The following ZSCAN5A variants were observed in gnomAD, a reference collection of about 807,000 sequenced individuals.
ZSCAN5A encodes the protein zinc finger and SCAN domain-containing protein 5A.
A neutral mutation model predicts 23.7 loss-of-function variants in ZSCAN5A; 12 were observed. That is an observed-to-expected ratio of 0.51 (90% CI 0.32 to 0.82). ZSCAN5A has a LOEUF of 0.82. Ranked by LOEUF, ZSCAN5A falls within the 40% of genes least tolerant of loss-of-function variation. The pLI, the probability that ZSCAN5A is intolerant of heterozygous loss-of-function variation, is 0.03. For synonymous variants in ZSCAN5A, 257 were observed against 239.9 expected (o/e 1.07, Z -0.66); for missense variants, 597 against 617.9 (o/e 0.97, Z 0.36).
At chr19:56,275,911 G>C (rs1247821591) in intron 2 of ZSCAN5A, among the ~76,000 whole-genome samples, 4 of 152,210 alleles carry the variant, frequency 2.6e-5, no homozygotes, top group African/African-American at 9.7e-5. Flanking sequence ...ATCGATGGAT[G>C]GATGGGCTGA....
chr19:56,310,319 G>C (rs2040957616), intron 2 of ZSCAN5A: 1 of 152,242 alleles, frequency 6.6e-6, no homozygotes, highest in Non-Finnish European at 1.5e-5. Flanking sequence ...GTGTCTGTGG[G>C]GGCCATGCCT....
upstream of ZSCAN5A, chr19:56,317,170 T>C (rs2041326018): frequency 6.6e-6 from 1 of 152,190 alleles, no homozygotes; most frequent in Admixed American, 6.5e-5. Context: ...TGTTCCTTTC[T>C]AGATGAAGGA....
intron 2 of ZSCAN5A, among the ~76,000 whole-genome samples, chr19:56,288,151 G>T (rs1256118564): frequency 6.6e-6 from 1 of 152,136 alleles, no homozygotes; most frequent in African/African-American, 2.4e-5. Context: ...TGAAGGCTGA[G>T]GCCCTTAAGC....
At chr19:56,223,121 G>T (rs564339019) in intron 4 of ZSCAN5A, among the ~76,000 whole-genome samples, 1 of 151,990 alleles carries the variant, frequency 6.6e-6, no homozygotes, top group Non-Finnish European at 1.5e-5. Flanking sequence ...TGGAGGGGGC[G>T]CTCCTGTGCA....
chr19:56,247,018 A>C (rs1414700557), intron 2 of ZSCAN5A: 1 of 1,049,408 alleles, frequency 9.5e-7, no homozygotes, highest in Non-Finnish European at 1.5e-6. Context: ...AGGTGCAGTC[A>C]GTCACCCCAA....
intron 2 of ZSCAN5A, among the ~76,000 whole-genome samples, chr19:56,343,687 C>G (rs1482467060): frequency 6.6e-6 from 1 of 152,238 alleles, no homozygotes; most frequent in Non-Finnish European, 1.5e-5. Context: ...CACTCACTGC[C>G]TGACTTCCAC....
At chr19:56,338,884 G>A (rs190378373) in intron 2 of ZSCAN5A, among the ~76,000 whole-genome samples, 221 of 152,352 alleles carry the variant, frequency 1.5e-3, no homozygotes, top group African/African-American at 5.0e-3. Flanking sequence ...CACAGCCACT[G>A]TGAACTGAAC....
At chr19:56,271,791 C>A (rs2037868832) in intron 2 of ZSCAN5A, among the ~76,000 whole-genome samples, 1 of 152,130 alleles carries the variant, frequency 6.6e-6, no homozygotes, top group Non-Finnish European at 1.5e-5. Context: ...CCATAGAAAC[C>A]TTCAGAGCTT....
intron 2 of ZSCAN5A, among the ~76,000 whole-genome samples, chr19:56,302,600 C>CCCCCCTTCCTT (rs1568726800): frequency 1.4e-5 from 1 of 70,862 alleles, no homozygotes; most frequent in Non-Finnish European, 2.9e-5. Context: ...TCCTCTCCCT[C>CCCCCCTTCCTT]TTCTTCCTCT....
chr19:56,332,791 G>T (rs68183839), intron 2 of ZSCAN5A, among the ~76,000 whole-genome samples: 11,153 of 152,198 alleles, frequency 0.073, 609 homozygotes, highest in African/African-American at 0.15. Context: ...ATGGTAGCAG[G>T]TATTGTTCCT....
At chr19:56,288,928 T>C (rs2039326769) in intron 2 of ZSCAN5A, among the ~76,000 whole-genome samples, 1 of 152,156 alleles carries the variant, frequency 6.6e-6, no homozygotes, top group South Asian at 2.1e-4. Context: ...TGAAATTAGA[T>C]TCTCATAACC....
chr19:56,273,600 C>G (rs1006953554), intron 2 of ZSCAN5A, among the ~76,000 whole-genome samples: 1 of 152,122 alleles, frequency 6.6e-6, no homozygotes, highest in Admixed American at 6.5e-5. Flanking sequence ...TTAGGAGAGA[C>G]TATTCCAGGC....
In ZSCAN5A at chr19:56,223,750, C is replaced by A. The variant is rs139322292; in HGVS notation, c.469G>T (p.Asp157Tyr). 7.3e-4 allele frequency: 1,184 copies of A among 1,613,868 alleles called. 3 individuals carry two copies. The highest frequency in any genetic ancestry group is 8.7e-4 in the Non-Finnish European group (1,022 of 1,179,996). Residue 157 changes from aspartate to tyrosine, a missense_variant, in exon 4 of 6, where the codon GAT (aspartate) becomes TAT (tyrosine). Asp to Tyr is a radical substitution (Grantham distance 160). Around this residue, in one of 5 missense-constraint regions of ZSCAN5A, gnomAD observed 406 missense variants for 353.2 expected, o/e 1.15. Transcript: ENST00000683990. ...CGTTGGCTGGACACGTCTTTCAGATCATCTCTGACACTGGAGGGGGCTTCA... is the reference window on the plus strand; with the variant it reads ...CGTTGGCTGGACACGTCTTTCAGATAATCTCTGACACTGGAGGGGGCTTCA... ...MAEAPSSVRD[D>Y]LKDVSSQRAS... is the part of the protein sequence containing the mutation.
At chr19:56,270,507 A>T (rs925044477) in intron 2 of ZSCAN5A, among the ~76,000 whole-genome samples, 4 of 152,216 alleles carry the variant, frequency 2.6e-5, no homozygotes, top group Non-Finnish European at 4.4e-5. Flanking sequence ...GTAAAAACAC[A>T]CAAAATAATA....
At chr19:56,257,292 C>T (rs1285172673) in intron 2 of ZSCAN5A, among the ~76,000 whole-genome samples, 2 of 152,162 alleles carry the variant, frequency 1.3e-5, no homozygotes, top group Non-Finnish European at 2.9e-5. Context: ...ATCCCTGGAA[C>T]CAGGTGACTG....
rs188314907 is a variant in ZSCAN5A, at chr19:56,359,535, C to G, written c.-358+3700G>C. On this transcript the variant is annotated intron_variant, in intron 2 of 6. Coordinates refer to the ZSCAN5A transcript ENST00000587340. Reference sequence around the variant, plus strand: ...CTGGTACATTTCTTCTGTAACTATTCCAAACAATCGAAAAGAAGAGACTCC... The same window carrying G: ...CTGGTACATTTCTTCTGTAACTATTGCAAACAATCGAAAAGAAGAGACTCC... Among the ~76,000 whole-genome samples, 100 of 152,304 alleles carry G rather than the reference C, an allele frequency of 6.6e-4. 1 individual carries two copies. The highest frequency in any genetic ancestry group is 5.6e-3 in the East Asian group (29 of 5,188).
At chr19:56,318,368 A>C (rs2041339727), upstream of ZSCAN5A, among the ~76,000 whole-genome samples, 1 of 152,212 alleles carries the variant, frequency 6.6e-6, no homozygotes, top group Admixed American at 6.5e-5. Flanking sequence ...CAAAAGTAAT[A>C]AATAATGGCC....
intron 2 of ZSCAN5A, among the ~76,000 whole-genome samples, chr19:56,274,140 T>C (rs755703924): frequency 1.8e-4 from 28 of 152,132 alleles, no homozygotes; most frequent in Non-Finnish European, 4.0e-4. Context: ...GAATTGAGGC[T>C]GCCCTTAACT....
At position 56,221,448 on chromosome 19, in the gene ZSCAN5A, A is replaced by G. The variant is rs1185595889; in HGVS notation, c.*127T>C. On this transcript the variant is annotated 3_prime_UTR_variant, in exon 6 of 6. Coordinates refer to ENST00000683990, the MANE Select transcript of ZSCAN5A (RefSeq NM_001322064.3). ...ACATATTTACTCAAACATCCTGGCAATTCATATCTAGGGCACTCCCTCTGT... is the reference window on the plus strand; with the variant it reads ...ACATATTTACTCAAACATCCTGGCAGTTCATATCTAGGGCACTCCCTCTGT... 8.4e-7 allele frequency: 1 copy of G among 1,185,992 alleles called. No individual in the cohort carries two copies. Among genetic ancestry groups the G allele is most frequent in the Non-Finnish European group, 1.2e-6 (1 of 851,400 alleles). 73.5% of individuals were successfully genotyped at this position (1,185,992 alleles called of 1,614,324 possible). A position where few individuals can be genotyped will look rare whatever the true frequency, so the allele number is the denominator to read the frequency against.
Sources: gnomAD v4.1 joint callset for allele counts (sites outside exome capture counted in the v4.1 genomes callset) on GRCh38, gnomAD v4.1.1 for gene constraint, gnomAD v4.1.1 regional missense constraint, MANE v1.5 for transcripts, NCBI Gene and HGNC (gene_info 2026-07-23, HGNC 2026-07-21) for gene names.